The following PCDH17 variants were observed in gnomAD, a reference collection of about 807,000 sequenced individuals.
PCDH17 encodes the protein protocadherin-17.
A neutral mutation model predicts 67.7 loss-of-function variants in PCDH17; 21 were observed. That is an observed-to-expected ratio of 0.31 (90% CI 0.22 to 0.45). The LOEUF is 0.45. PCDH17 is among the 20% of genes least tolerant of loss of function. The probability of loss-of-function intolerance (pLI) is 1.00; values close to 1 mark genes in which losing one functional copy is unlikely to be tolerated. For missense variants in PCDH17, 1,471 were observed against 1,564.8 expected (o/e 0.94, Z 1.01); for synonymous variants, 701 against 656.7 (o/e 1.07, Z -1.03).
Position 57,632,802 on chromosome 13 carries a change from A to G in PCDH17, c.256A>G (p.Thr86Ala). The change falls in exon 1 of 4, where the codon ACC becomes GCC. Residue 86 changes from threonine (T) to alanine (A), a missense_variant. By Grantham distance (58) the Thr-to-Ala change is moderately conservative. Coordinates refer to ENST00000377918, the MANE Select transcript of PCDH17 (RefSeq NM_001040429.3). ...GGACGCAGACAGCGGGCTCCTCTAC[A>G]CCAAGCAGCGCATCGACCGCGAGTC... ...DVDADSGLLYTKQRIDRESLC... is the reference protein window; with the variant it reads ...DVDADSGLLYAKQRIDRESLC... The G allele has an allele frequency of 1.9e-6, 3 of 1,613,358 alleles. No individual in the cohort carries two copies. Among genetic ancestry groups the G allele is most frequent in the Non-Finnish European group, 1.7e-6 (2 of 1,179,932 alleles).
upstream of PCDH17, among the ~76,000 whole-genome samples, chr13:57,631,209 C>G (rs1286333931): frequency 6.6e-6 from 1 of 151,802 alleles, no homozygotes; most frequent in Non-Finnish European, 1.5e-5. Flanking sequence ...CCAAGGTTTT[C>G]TTTTCTAGAT....
At chr13:57,697,696 C>A (rs1165791878) in intron 3 of PCDH17, among the ~76,000 whole-genome samples, 1 of 151,110 alleles carries the variant, frequency 6.6e-6, no homozygotes, top group Non-Finnish European at 1.5e-5. Context: ...AGAAAAAAGA[C>A]TATAGATTAC....
intron 3 of PCDH17, among the ~76,000 whole-genome samples, chr13:57,708,203 A>G (rs1955739010): frequency 6.6e-6 from 1 of 152,060 alleles, no homozygotes; most frequent in Non-Finnish European, 1.5e-5. Context: ...AGTAAATGTA[A>G]AGTGCTTTCT....
intron 3 of PCDH17, among the ~76,000 whole-genome samples, chr13:57,709,348 G>A (rs1955753364): frequency 6.6e-6 from 1 of 151,634 alleles, no homozygotes; most frequent in South Asian, 2.1e-4. Flanking sequence ...CACTATTGCA[G>A]AAAATTATTT....
intron 3 of PCDH17, among the ~76,000 whole-genome samples, chr13:57,707,005 A>G (rs1023402110): frequency 2.6e-5 from 4 of 152,052 alleles, no homozygotes; most frequent in African/African-American, 7.2e-5. Flanking sequence ...TTTCTCAATT[A>G]CAAAAGTAAT....
chr13:57,687,264 G>T (rs539529654), intron 3 of PCDH17, among the ~76,000 whole-genome samples: 8 of 152,060 alleles, frequency 5.3e-5, no homozygotes, highest in Non-Finnish European at 8.8e-5. Flanking sequence ...AAGGGTAAAT[G>T]GTTGGAATTA....
At chr13:57,700,026 T>C (rs1028602850) in intron 3 of PCDH17, among the ~76,000 whole-genome samples, 1 of 152,120 alleles carries the variant, frequency 6.6e-6, no homozygotes, top group African/African-American at 2.4e-5. Flanking sequence ...CTGTCATAAT[T>C]ATTAATAGCA....
chr13:57,653,686 A>C (rs1955069427), intron 1 of PCDH17, among the ~76,000 whole-genome samples: 1 of 152,128 alleles, frequency 6.6e-6, no homozygotes, highest in African/African-American at 2.4e-5. Context: ...GATACAAAGG[A>C]GTAAGTTCTG....
In PCDH17 at chr13:57,634,373, T is replaced by A. The variant is rs773465495; in HGVS notation, c.1827T>A (p.Thr609=). ...RNAGLGYLVS[T]VRALDSDFGE... is the part of the protein sequence containing the mutation. ...CTGGCCTGGGCTATCTGGTGAGCAC[T>A]GTGCGCGCCCTAGACAGCGACTTCG... The change falls in exon 1 of 4, where the codon ACT becomes ACA. Residue 609 remains threonine (T), a synonymous_variant. Transcript: ENST00000377918. The surrounding 1 kb of genome is among the most constrained non-coding windows in gnomAD (Gnocchi z 7.8). 1.1e-5 allele frequency: 18 copies of A among 1,612,558 alleles called. No homozygotes were observed. Among genetic ancestry groups the A allele is most frequent in the Non-Finnish European group, 1.4e-5 (17 of 1,179,894 alleles).
At chr13:57,720,219 G>T (rs910478936) in intron 3 of PCDH17, among the ~76,000 whole-genome samples, 1 of 151,912 alleles carries the variant, frequency 6.6e-6, no homozygotes, top group African/African-American at 2.4e-5. Context: ...AAGAGAGAGA[G>T]AGCTTTCAGA....
Position 57,728,628 on chromosome 13 carries a change from C to T in PCDH17, c.*3334C>T, listed in dbSNP as rs1376891523. ...CAAAGTAAACATTAAAGAGACATAT[C>T]ATGCAATTTCAAAGAATTCTTTCAT... On this transcript the variant is annotated 3_prime_UTR_variant, in exon 4 of 4. Coordinates refer to ENST00000377918, the MANE Select transcript of PCDH17 (RefSeq NM_001040429.3). 6.6e-6 allele frequency: 1 copy of T among 150,614 alleles called. No homozygotes were observed. The highest frequency in any genetic ancestry group is 2.4e-5 in the African/African-American group (1 of 41,068). 9.3% of individuals were successfully genotyped at this position (150,614 alleles called of 1,614,324 possible).
At chr13:57,703,767 T>G (rs1955690315) in intron 3 of PCDH17, among the ~76,000 whole-genome samples, 1 of 152,162 alleles carries the variant, frequency 6.6e-6, no homozygotes, top group African/African-American at 2.4e-5. Flanking sequence ...TCAGCCACCC[T>G]ATGAGTTTAG....
At chr13:57,630,691 T>C (rs1452209642), upstream of PCDH17, among the ~76,000 whole-genome samples, 3 of 152,232 alleles carry the variant, frequency 2.0e-5, no homozygotes, top group African/African-American at 7.2e-5. Flanking sequence ...CCTTCTTCCC[T>C]CCATCCTTTT....
chr13:57,648,354 C>T (rs1476112217), intron 1 of PCDH17, among the ~76,000 whole-genome samples: 3 of 151,854 alleles, frequency 2.0e-5, no homozygotes, highest in Admixed American at 2.0e-4. Flanking sequence ...GAAATTCAAT[C>T]ATTAGGTTTC....
chr13:57,664,787 T>C (rs1955229320), intron 1 of PCDH17, among the ~76,000 whole-genome samples: 1 of 152,220 alleles, frequency 6.6e-6, no homozygotes, highest in Non-Finnish European at 1.5e-5. Flanking sequence ...TAAATTAAAA[T>C]GTGAAGTGAC....
At chr13:57,658,308 C>A (rs1955135174) in intron 1 of PCDH17, among the ~76,000 whole-genome samples, 1 of 151,960 alleles carries the variant, frequency 6.6e-6, no homozygotes, top group Non-Finnish European at 1.5e-5. Context: ...TCGTTTGAAT[C>A]TTTTTTTATA....
upstream of PCDH17, among the ~76,000 whole-genome samples, chr13:57,630,945 C>G (rs1267675635): frequency 1.3e-5 from 2 of 152,154 alleles, no homozygotes; most frequent in African/African-American, 4.8e-5. Context: ...GTAGACAGAC[C>G]TGTGTCTAAC....
intron 3 of PCDH17, among the ~76,000 whole-genome samples, chr13:57,680,915 TAA>T (rs1258193401): frequency 1.3e-5 from 2 of 151,766 alleles, no homozygotes; most frequent in African/African-American, 2.4e-5. Context: ...ATGAAATTCT[TAA>T]GAGTATAAAT....
chr13:57,696,091 G>A (rs975154441), intron 3 of PCDH17, among the ~76,000 whole-genome samples: 12 of 151,274 alleles, frequency 7.9e-5, no homozygotes, highest in Non-Finnish European at 1.5e-4. Context: ...TGTGAACCCT[G>A]TAACTCTGTA....
Sources: allele counts gnomAD v4.1 joint callset (sites outside exome capture counted in the v4.1 genomes callset), GRCh38; gene constraint gnomAD v4.1.1; non-coding constraint Gnocchi (gnomAD v3.1); transcripts MANE v1.5; gene names NCBI Gene and HGNC (gene_info 2026-07-23, HGNC 2026-07-21).